The following PUF60 variants were observed in gnomAD, a reference collection of about 807,000 sequenced individuals.
PUF60 encodes poly(U)-binding-splicing factor PUF60.
PUF60 carries 10 observed loss-of-function variants against 61.8 expected under a neutral mutation model. The ratio of observed to expected loss-of-function variants is 0.16; its 90% confidence interval spans 0.10 to 0.27. The LOEUF is 0.27. Ranked by LOEUF, PUF60 falls within the 10% of genes least tolerant of loss-of-function variation. The pLI, the probability that PUF60 is intolerant of heterozygous loss-of-function variation, is 1.00. For missense variants in PUF60, 371 were observed against 754.0 expected, an observed-to-expected ratio of 0.49 and a Z score of 5.95; for synonymous variants, 353 against 300.9, an observed-to-expected ratio of 1.17 and a Z score of -1.79.
At chr8:143,829,036 G>GCGCCCAGGCCCC in intron 1 of PUF60, 1 of 1,003,372 alleles carries the variant, frequency 1.0e-6, no homozygotes, top group Non-Finnish European at 1.2e-6. Flanking sequence ...GCCACACGCC[G>GCGCCCAGGCCCC]CGCCCAGGCC....
chr8:143,817,274 C>A lies in PUF60; in HGVS notation c.1144+57G>T. 1 of 1,549,420 alleles carries A rather than the reference C, an allele frequency of 6.5e-7. No homozygotes were observed. Among genetic ancestry groups the A allele is most frequent in the Non-Finnish European group, 8.7e-7 (1 of 1,150,656 alleles). ...ACCAGGGCCAGGCAGCTGAGGGCAGCGAGCCGAGAGATGCCAGGACAGGAG... is the reference window on the plus strand; with the variant it reads ...ACCAGGGCCAGGCAGCTGAGGGCAGAGAGCCGAGAGATGCCAGGACAGGAG... On this transcript the variant is annotated intron_variant, in intron 10 of 11. Transcript: ENST00000526683. This position sits in a 1 kb window ranked among gnomAD's most constrained non-coding sequence, Gnocchi z 7.4.
intron 1 of PUF60, among the ~76,000 whole-genome samples, chr8:143,825,955 C>G (rs1453582069): frequency 1.3e-5 from 2 of 152,208 alleles, no homozygotes; most frequent in African/African-American, 4.8e-5. Flanking sequence ...TTGGGAAAAG[C>G]CGGCCCACTG....
chr8:143,817,850 A>ACCCC lies in PUF60; in HGVS notation c.817+8_817+11dup. The ACCCC allele has an allele frequency of 6.2e-7, 1 of 1,610,388 alleles. No homozygotes were observed. Reference sequence around the variant, plus strand: ...AGGTGGCCCCCATCCCGCCTCAGCCACCCCAGCTCACCAATGAAGCCGTAG... The same window carrying ACCCC: ...AGGTGGCCCCCATCCCGCCTCAGCCACCCCCCCCAGCTCACCAATGAAGCCGTAG... On this transcript the variant is annotated intron_variant, in intron 8 of 11. Coordinates refer to ENST00000526683, the MANE Select transcript of PUF60 (RefSeq NM_078480.3). This position sits in a 1 kb window ranked among gnomAD's most constrained non-coding sequence, Gnocchi z 7.4.
intron 1 of PUF60, 186 bp from the exon 2 acceptor site, chr8:143,824,585 C>T: frequency 1.6e-6 from 1 of 613,698 alleles, no homozygotes; most frequent in Non-Finnish European, 2.9e-6. Context: ...GCCCAGGGAC[C>T]CAGTCAGAAG....
At chr8:143,828,599 G>A (rs1414237709) in intron 1 of PUF60, among the ~76,000 whole-genome samples, 1 of 152,174 alleles carries the variant, frequency 6.6e-6, no homozygotes, top group African/African-American at 2.4e-5. Context: ...CACCCTGGGT[G>A]GGAACTGGCT....
At chr8:143,827,120 C>T (rs1020445857) in intron 1 of PUF60, 13 of 319,276 alleles carry the variant, frequency 4.1e-5, no homozygotes, top group Non-Finnish European at 6.1e-5. Context: ...GTGTCAGCTG[C>T]CAGCAAAGAA....
At chr8:143,829,115 C>T (rs1389561853) in intron 1 of PUF60, 165 bp downstream of exon 1, 6 of 1,160,302 alleles carry the variant, frequency 5.2e-6, no homozygotes, top group Non-Finnish European at 6.4e-6. Flanking sequence ...GCCGCCGGCG[C>T]GCGCCCGCCC....
intron 1 of PUF60, among the ~76,000 whole-genome samples, chr8:143,825,753 C>T (rs56194359): frequency 0.016 from 2,505 of 152,344 alleles, 46 homozygotes; most frequent in Admixed American, 0.035. Context: ...AGGCGTGGAC[C>T]ACTGTGCCCA....
Position 143,824,357 on chromosome 8 carries a change from C to T in PUF60, c.67G>A (p.Ala23Thr). The change falls in exon 2 of 12, where the codon GCG becomes ACG. Residue 23 changes from alanine to threonine, a missense_variant. Coordinates refer to ENST00000526683, the MANE Select transcript of PUF60 (RefSeq NM_078480.3). Reference protein sequence around the residue: ...QQGGGSEPAAAAAVVAAGDKW... With the variant: ...QQGGGSEPAATAAVVAAGDKW... ...TCTCCCGCTGCCACCACTGCCGCCG[C>T]CGCCGCCGGCTCGGACCCCCCTCCT... 6.2e-7 allele frequency: 1 copy of T among 1,612,632 alleles called. No homozygotes were observed. Among genetic ancestry groups the T allele is most frequent in the Non-Finnish European group, 8.5e-7 (1 of 1,179,762 alleles).
At chr8:143,821,459 C>T in intron 4 of PUF60, 138 bp downstream of exon 4, 1 of 826,590 alleles carries the variant, frequency 1.2e-6, no homozygotes, top group Non-Finnish European at 1.9e-6. Flanking sequence ...CCCGGGGGTC[C>T]CGAGCATGAG....
chr8:143,827,066 G>A (rs1339884182), intron 1 of PUF60: 4 of 312,352 alleles, frequency 1.3e-5, no homozygotes, highest in Admixed American at 4.9e-5. Flanking sequence ...TGCAGAGGCC[G>A]CAGACACGAG....
At chr8:143,825,638 A>G (rs531391335) in intron 1 of PUF60, among the ~76,000 whole-genome samples, 37 of 152,044 alleles carry the variant, frequency 2.4e-4, no homozygotes, top group African/African-American at 8.2e-4. Flanking sequence ...ATGCGCCGCC[A>G]CACCTGGCTA....
chr8:143,822,494 G>A (rs769286575), intron 2 of PUF60: 6 of 456,514 alleles, frequency 1.3e-5, no homozygotes, highest in Non-Finnish European at 2.6e-5. Context: ...ACCTCCCAGA[G>A]AACACAGGCC....
In PUF60 at chr8:143,825,128, G is replaced by A. The variant is rs562529109; in HGVS notation, c.25-729C>T. On this transcript the variant is annotated intron_variant, in intron 1 of 11. Transcript: ENST00000526683. ...GTGGGGGTCGGGAGATGATGGAAGG[G>A]CCTTGAGACCTACTCTACCTTCTCA... The A allele has an allele frequency of 1.1e-4, 17 of 152,454 alleles. No individual in the cohort carries two copies. In the South Asian group the frequency reaches 3.3e-3, roughly 30 times the overall value. The allele number at this position is 152,454 out of a possible 1,614,324, so 9.4% of individuals were successfully genotyped here. A position where few individuals can be genotyped will look rare whatever the true frequency, so the allele number is the denominator to read the frequency against.
rs751639817 is a variant in PUF60, at chr8:143,817,017, A to G, written c.1273T>C (p.Phe425Leu). The G allele has an allele frequency of 2.5e-6, 4 of 1,609,484 alleles. No individual in the cohort carries two copies. Among genetic ancestry groups the G allele is most frequent in the Non-Finnish European group, 2.5e-6 (3 of 1,178,278 alleles). ...ATCTCTGGCCGCTCTGACTCGGGAA[A>G]CAGCTCCTCTTCTTCCTTCTCCTTC... Reference protein sequence around the residue: ...PKKEKEEEELFPESERPEMLS... With the variant: ...PKKEKEEEELLPESERPEMLS... The change falls in exon 11 of 12, where the codon TTT (phenylalanine) becomes CTT (leucine). Residue 425 changes from phenylalanine to leucine, a missense_variant. This residue lies in a region of PUF60 where 68 missense variants were observed against 69.4 expected (regional missense o/e 0.98). Transcript: ENST00000526683. This position sits in a 1 kb window ranked among gnomAD's most constrained non-coding sequence, Gnocchi z 7.4.
In PUF60 at chr8:143,818,624, G is replaced by T. The variant is rs1816653029; in HGVS notation, c.349-90C>A. Reference sequence around the variant, plus strand: ...ACTCCCCTCCTGGCCCACCCACCCAGCCCTGCTGTGGGGAGGGCTCCCCAC... The same window carrying T: ...ACTCCCCTCCTGGCCCACCCACCCATCCCTGCTGTGGGGAGGGCTCCCCAC... On this transcript the variant is annotated intron_variant, in intron 5 of 11. Transcript: ENST00000526683. The surrounding 1 kb of genome is among the most constrained non-coding windows in gnomAD (Gnocchi z 7.9). 1 of 1,377,186 alleles carries T rather than the reference G, an allele frequency of 7.3e-7. No homozygotes were observed. The allele number at this position is 1,377,186 out of a possible 1,614,324, so 85.3% of individuals were successfully genotyped here.
rs1386944630 is a variant in PUF60 at position 143,821,567 on chromosome 8, AG to A, written c.297+29del. 2.6e-6 allele frequency: 4 copies of A among 1,518,534 alleles called. No homozygotes were observed. In the South Asian group the frequency reaches 4.8e-5, roughly 18 times the overall value. The allele number at this position is 1,518,534 out of a possible 1,614,324, so 94.1% of individuals were successfully genotyped here. A position where few individuals can be genotyped will look rare whatever the true frequency, so the allele number is the denominator to read the frequency against. On this transcript the variant is annotated intron_variant, in intron 4 of 11. Coordinates refer to ENST00000526683, the MANE Select transcript of PUF60 (RefSeq NM_078480.3). ...GGAGGAGATGGTGGCTGTGGTGGGG[AG>A]GGCGGTAGAGGCTCCGGCCGGGGCT...
rs752975777 is a variant in PUF60 at position 143,821,836 on chromosome 8, C to T, written c.189G>A (p.Gln63=). The change falls in exon 3 of 12, where the codon CAG becomes CAA. Residue 63 remains glutamine (Q), a synonymous_variant. Coordinates refer to ENST00000526683, the MANE Select transcript of PUF60 (RefSeq NM_078480.3). ...TGCTCACCTTCTGAAGGGCCTCCTGCTGCTCGGGCGTCAGGGGAGGCAGCC... is the reference window on the plus strand; with the variant it reads ...TGCTCACCTTCTGAAGGGCCTCCTGTTGCTCGGGCGTCAGGGGAGGCAGCC... ...KLGLPPLTPE[Q]QEALQKAKKY... 5 of 1,610,778 alleles carry T rather than the reference C, an allele frequency of 3.1e-6. No homozygotes were observed. In the African/African-American group the frequency reaches 6.7e-5, roughly 22 times the overall value.
At position 143,818,356 on chromosome 8, in the gene PUF60, G is replaced by A. The variant is rs770869629; in HGVS notation, c.510+17C>T. 42 of 1,611,648 alleles carry A rather than the reference G, an allele frequency of 2.6e-5. No individual in the cohort carries two copies. The highest frequency in any genetic ancestry group is 2.2e-4 in the Admixed American group (13 of 59,942). On this transcript the variant is annotated intron_variant, in intron 6 of 11. Transcript: ENST00000526683. This position sits in a 1 kb window ranked among gnomAD's most constrained non-coding sequence, Gnocchi z 7.9. ...GGGGCGAGCCCGAAGTGGCCGGGGC[G>A]GACCAAGCCTGCTGACCTTGTGCTT... is the stretch of plus-strand genomic sequence containing the variant.
Sources: allele counts gnomAD v4.1 joint callset (sites outside exome capture counted in the v4.1 genomes callset), GRCh38; gene constraint gnomAD v4.1.1; regional missense constraint gnomAD v4.1.1; non-coding constraint Gnocchi (gnomAD v3.1); transcripts MANE v1.5; gene names NCBI Gene and HGNC (gene_info 2026-07-23, HGNC 2026-07-21).